Variants in RARB observed in about 807,000 individuals in gnomAD.
RARB encodes HBV-activated protein.
A neutral mutation model predicts 51.9 loss-of-function variants in RARB; 17 were observed. The ratio of observed to expected loss-of-function variants is 0.33; its 90% CI spans 0.22 to 0.49. The LOEUF is 0.49. Among genes scored for constraint, RARB ranks in the 20% least tolerant of loss-of-function variants. The pLI, the probability that RARB is intolerant of heterozygous loss-of-function variation, is 0.99. For missense variants in RARB, 369 were observed against 550.8 expected, an observed-to-expected ratio of 0.67 and a Z score of 3.30; for synonymous variants, 215 against 195.4, an observed-to-expected ratio of 1.10 and a Z score of -0.84.
At chr3:25,051,410 TA>T (rs1698329885) in intron 2 of RARB, among the ~76,000 whole-genome samples, 1 of 152,170 alleles carries the variant, frequency 6.6e-6, no homozygotes, top group African/African-American at 2.4e-5. Flanking sequence ...AAGAACTGTC[TA>T]AAGATGCTTT....
intron 4 of RARB, among the ~76,000 whole-genome samples, 177 bp from the exon 5 acceptor site, chr3:25,580,369 G>A (rs556696285): frequency 7.9e-5 from 12 of 152,272 alleles, no homozygotes; most frequent in Admixed American, 3.9e-4. Context: ...GCGAGACTCC[G>A]TCTCACACAC....
intron 2 of RARB, among the ~76,000 whole-genome samples, chr3:24,985,932 A>T (rs1485470892): frequency 6.6e-6 from 1 of 152,246 alleles, no homozygotes; most frequent in Admixed American, 6.5e-5. Context: ...GAAAAATAAT[A>T]AACTAAGAAC....
intron 3 of RARB, among the ~76,000 whole-genome samples, chr3:25,063,821 T>C (rs1291599692): frequency 2.0e-5 from 3 of 151,838 alleles, no homozygotes; most frequent in African/African-American, 7.3e-5. Context: ...AGAAAAGCAC[T>C]GGTAGCTCCT....
intron 1 of RARB, among the ~76,000 whole-genome samples, chr3:24,836,733 T>C (rs936678525): frequency 1.1e-4 from 17 of 152,142 alleles, no homozygotes; most frequent in African/African-American, 3.9e-4. Context: ...GGGTGCTCAA[T>C]AGTGTTTGTT....
At chr3:24,847,311 T>C (rs1342925301) in intron 1 of RARB, among the ~76,000 whole-genome samples, 1 of 152,228 alleles carries the variant, frequency 6.6e-6, no homozygotes, top group Non-Finnish European at 1.5e-5. Context: ...CCCTGAAGAA[T>C]GTCTCCTGGT....
At chr3:24,912,350 C>A (rs892349868) in intron 2 of RARB, among the ~76,000 whole-genome samples, 2 of 152,048 alleles carry the variant, frequency 1.3e-5, no homozygotes, top group Non-Finnish European at 2.9e-5. Context: ...CCCGTTTCTT[C>A]GTATTGTTAT....
At chr3:25,339,007 C>T (rs1020346515) in intron 5 of RARB, among the ~76,000 whole-genome samples, 1 of 152,192 alleles carries the variant, frequency 6.6e-6, no homozygotes, top group African/African-American at 2.4e-5. Context: ...ATTATCACCT[C>T]ACCTGAGACT....
At chr3:25,382,805 C>T (rs530302591) in intron 5 of RARB, among the ~76,000 whole-genome samples, 1 of 152,290 alleles carries the variant, frequency 6.6e-6, no homozygotes, top group Admixed American at 6.5e-5. Context: ...TTGCAGTGAG[C>T]TGAGATCATG....
chr3:24,881,824 A>C (rs1181386033), intron 2 of RARB, among the ~76,000 whole-genome samples: 1 of 152,198 alleles, frequency 6.6e-6, no homozygotes, highest in Non-Finnish European at 1.5e-5. Flanking sequence ...GAAAATAATC[A>C]AATTGATCAT....
intron 2 of RARB, among the ~76,000 whole-genome samples, chr3:24,992,652 C>G (rs1442788391): frequency 6.6e-6 from 1 of 152,154 alleles, no homozygotes; most frequent in African/African-American, 2.4e-5. Context: ...GGAATGGTTT[C>G]TTCTGAAGTC....
chr3:25,316,894 G>C (rs1020955577), intron 5 of RARB, among the ~76,000 whole-genome samples: 1 of 152,154 alleles, frequency 6.6e-6, no homozygotes, highest in African/African-American at 2.4e-5. Flanking sequence ...AAACTATCCA[G>C]TTAACCGTCT....
chr3:24,913,188 G>T (rs1575068590), intron 2 of RARB, among the ~76,000 whole-genome samples: 1 of 151,530 alleles, frequency 6.6e-6, no homozygotes, highest in Non-Finnish European at 1.5e-5. Context: ...GTTTCACTGT[G>T]TTAGCCACGA....
At chr3:25,548,493 A>AT (rs1699712557) in intron 3 of RARB, among the ~76,000 whole-genome samples, 1 of 152,120 alleles carries the variant, frequency 6.6e-6, no homozygotes, top group African/African-American at 2.4e-5. Flanking sequence ...GATTCCCTTG[A>AT]TTTTAAGGCA....
intron 5 of RARB, among the ~76,000 whole-genome samples, chr3:25,201,056 G>T (rs2125370606): frequency 6.6e-6 from 1 of 152,278 alleles, no homozygotes; most frequent in East Asian, 1.9e-4. Flanking sequence ...TCACGATATT[G>T]ATTCTTCCTA....
chr3:25,011,300 T>G (rs1697389224), intron 2 of RARB, among the ~76,000 whole-genome samples: 1 of 152,014 alleles, frequency 6.6e-6, no homozygotes, highest in Admixed American at 6.6e-5. Flanking sequence ...AGGTTGCAAG[T>G]TCTAAATAGC....
rs149043589 is a variant in RARB, at chr3:25,330,109, G to T, written c.179-131084G>T. Among the ~76,000 whole-genome samples, 570 of 152,212 alleles carry T rather than the reference G, an allele frequency of 3.7e-3. 3 individuals carry two copies. The highest frequency in any genetic ancestry group is 0.013 in the African/African-American group (542 of 41,510). On this transcript the variant is annotated intron_variant, in intron 5 of 11. Transcript: ENST00000383772. The stretch of plus-strand genomic sequence containing the variant: ...ACACTCTGCAGGATATTAATGAGAA[G>T]AGCTTCCCCAAGCCAGCAAGACAGG...
intron 5 of RARB, among the ~76,000 whole-genome samples, chr3:25,314,454 A>C (rs928043000): frequency 6.6e-6 from 1 of 152,060 alleles, no homozygotes; most frequent in African/African-American, 2.4e-5. Context: ...TTCACAGGAG[A>C]GCTGTAAGAT....
chr3:24,964,994 T>A (rs971652573), intron 2 of RARB, among the ~76,000 whole-genome samples: 24 of 152,326 alleles, frequency 1.6e-4, no homozygotes, highest in African/African-American at 5.8e-4. Context: ...CCAAAGATAC[T>A]ATGAAGATGA....
chr3:25,542,186 GC>G (rs1699411456), intron 3 of RARB, among the ~76,000 whole-genome samples: 1 of 152,234 alleles, frequency 6.6e-6, no homozygotes, highest in Non-Finnish European at 1.5e-5. Context: ...TGTGACAAGA[GC>G]TATGATCAAT....
Sources: gnomAD v4.1 joint callset for allele counts (sites outside exome capture counted in the v4.1 genomes callset) on GRCh38, gnomAD v4.1.1 for gene constraint, MANE v1.5 for transcripts, NCBI Gene and HGNC (gene_info 2026-07-23, HGNC 2026-07-21) for gene names.